DSCAM: variants seen among roughly 807,000 people sequenced by gnomAD.
DSCAM encodes cell adhesion molecule DSCAM.
Under a neutral mutation model 217.7 loss-of-function variants are expected in DSCAM, and 47 were observed. The observed-to-expected ratio is 0.22, with a 90% CI of 0.17 to 0.28. DSCAM has a LOEUF of 0.28. Among genes scored for constraint, DSCAM ranks in the 10% least tolerant of loss-of-function variants. The probability of loss-of-function intolerance (pLI) is 1.00; values close to 1 mark genes in which losing one functional copy is unlikely to be tolerated. For synonymous variants in DSCAM, 1,056 were observed against 1,015.3 expected (o/e 1.04, Z -0.76); for missense variants, 2,080 against 2,618.3 (o/e 0.79, Z 4.49).
intron 3 of DSCAM, among the ~76,000 whole-genome samples, chr21:40,488,355 G>A (rs1240335915): frequency 1.3e-5 from 2 of 150,636 alleles, no homozygotes; most frequent in Admixed American, 6.6e-5. Flanking sequence ...CCATATCGGG[G>A]ATCCAGGAAA....
chr21:40,281,788 T>C (rs997595423), intron 10 of DSCAM, among the ~76,000 whole-genome samples: 2 of 152,246 alleles, frequency 1.3e-5, no homozygotes. Context: ...CATCTGTATT[T>C]GTTCTTTAGT....
intron 21 of DSCAM, 82 bp downstream of exon 21, chr21:40,093,639 G>T: frequency 6.7e-7 from 1 of 1,497,904 alleles, no homozygotes. Flanking sequence ...TTAGGAAAGT[G>T]TAAGTTTTAT....
intron 1 of DSCAM, among the ~76,000 whole-genome samples, chr21:40,779,419 C>G (rs1164064277): frequency 6.6e-6 from 1 of 152,168 alleles, no homozygotes; most frequent in Non-Finnish European, 1.5e-5. Flanking sequence ...CCAAATTTAT[C>G]TGAAGGAAGT....
rs1005534565 is a variant in DSCAM at position 40,144,264 on chromosome 21, G to C, written c.3259+227C>G. On this transcript the variant is annotated intron_variant, in intron 17 of 32. Transcript: ENST00000400454. The surrounding 1 kb of genome is among the most constrained non-coding windows in gnomAD (Gnocchi z 4.8). ...ACCTGAAATGAATGAGGAAGAGTCT[G>C]AAAAGGGAGGGACTTGCTGGCTTTG... is the stretch of plus-strand genomic sequence containing the variant. Among the ~76,000 whole-genome samples, 1 of 152,220 alleles carries C rather than the reference G, an allele frequency of 6.6e-6. No individual in the cohort carries two copies. Among genetic ancestry groups the C allele is most frequent in the African/African-American group, 2.4e-5 (1 of 41,454 alleles).
intron 4 of DSCAM, among the ~76,000 whole-genome samples, chr21:40,362,183 T>C (rs1041597586): frequency 6.6e-6 from 1 of 152,168 alleles, no homozygotes; most frequent in Non-Finnish European, 1.5e-5. Context: ...TGTTGGACAT[T>C]TGGGTTGGTT....
chr21:40,297,877 T>C (rs1406575151), intron 9 of DSCAM, among the ~76,000 whole-genome samples: 1 of 152,212 alleles, frequency 6.6e-6, no homozygotes, highest in Non-Finnish European at 1.5e-5. Flanking sequence ...CTTTTCTATT[T>C]CCTGTTGGGC....
rs559671173 is a variant in DSCAM at position 40,661,871 on chromosome 21, A to C, written c.508+30939T>G. Among the ~76,000 whole-genome samples, 18 of 152,326 alleles carry C rather than the reference A, an allele frequency of 1.2e-4. No individual in the cohort carries two copies. In the East Asian group the frequency reaches 3.5e-3, roughly 29 times the overall value. On this transcript the variant is annotated intron_variant, in intron 3 of 32. Transcript: ENST00000400454. ...AACTGCACCTGTTTCTTTGAGCAAA[A>C]GTTCCCTGTTTGGCAAATAAGTGTA...
intron 1 of DSCAM, among the ~76,000 whole-genome samples, chr21:40,774,375 G>A (rs1262575791): frequency 6.6e-6 from 1 of 152,252 alleles, no homozygotes; most frequent in Non-Finnish European, 1.5e-5. Context: ...TGTACATGAA[G>A]GAGCAATGGA....
intron 19 of DSCAM, among the ~76,000 whole-genome samples, chr21:40,126,894 A>G (rs2090099709): frequency 6.6e-6 from 1 of 152,210 alleles, no homozygotes; most frequent in Non-Finnish European, 1.5e-5. Flanking sequence ...GCATTTTGGA[A>G]GGTTTTCTGG....
At chr21:40,609,476 G>C (rs1354043786) in intron 3 of DSCAM, among the ~76,000 whole-genome samples, 1 of 152,114 alleles carries the variant, frequency 6.6e-6, no homozygotes. Flanking sequence ...CCTTTGCCTG[G>C]CTTTCTGTGC....
At chr21:40,697,329 T>C (rs2090606750) in intron 2 of DSCAM, among the ~76,000 whole-genome samples, 1 of 152,246 alleles carries the variant, frequency 6.6e-6, no homozygotes, top group Admixed American at 6.5e-5. Flanking sequence ...TGCAGAGTTT[T>C]TCTGCTTGAT....
intron 21 of DSCAM, among the ~76,000 whole-genome samples, chr21:40,093,097 G>T (rs80213528): frequency 0.033 from 5,089 of 152,214 alleles, 294 homozygotes; most frequent in African/African-American, 0.12. Context: ...GACTTATTAT[G>T]AATGCTAATT....
intron 4 of DSCAM, among the ~76,000 whole-genome samples, chr21:40,357,407 G>A (rs1050452428): frequency 2.0e-5 from 3 of 152,126 alleles, no homozygotes; most frequent in Admixed American, 6.5e-5. Context: ...CATGTTACTG[G>A]AAGTATCATC....
At chr21:40,662,945 G>T (rs1248931341) in intron 3 of DSCAM, among the ~76,000 whole-genome samples, 1 of 152,138 alleles carries the variant, frequency 6.6e-6, no homozygotes, top group Non-Finnish European at 1.5e-5. Context: ...AATAAAAAGG[G>T]GAGAGTGCCT....
chr21:40,391,719 T>A (rs543081699), intron 3 of DSCAM, among the ~76,000 whole-genome samples: 4 of 152,336 alleles, frequency 2.6e-5, no homozygotes, highest in African/African-American at 9.6e-5. Flanking sequence ...CAATACATAC[T>A]TGCTCACTGC....
In DSCAM at chr21:40,079,052, C is replaced by T. The variant is rs1296065270; in HGVS notation, c.4421-75G>A. ...CATCAGCATCTTCACGCATTTCCCT[C>T]GGACTGCTTCCTCCAGCGAGGCCAG... On this transcript the variant is annotated intron_variant, in intron 25 of 32. Coordinates refer to ENST00000400454, the MANE Select transcript of DSCAM (RefSeq NM_001389.5). 2.9e-5 allele frequency: 44 copies of T among 1,520,018 alleles called. No homozygotes were observed. In the East Asian group the frequency reaches 4.9e-4, roughly 17 times the overall value. The allele number at this position is 1,520,018 out of a possible 1,614,324, so 94.2% of individuals were successfully genotyped here.
intron 3 of DSCAM, among the ~76,000 whole-genome samples, chr21:40,420,193 C>T (rs892663864): frequency 1.3e-4 from 20 of 151,386 alleles, no homozygotes; most frequent in Non-Finnish European, 2.2e-4. Flanking sequence ...AAAATAAGCC[C>T]GGTGAGAAAT....
chr21:40,209,709 A>C (rs1173225665), intron 11 of DSCAM, among the ~76,000 whole-genome samples: 1 of 152,100 alleles, frequency 6.6e-6, no homozygotes, highest in African/African-American at 2.4e-5. Flanking sequence ...TTCTTGGTCA[A>C]GGTTCATAGC....
chr21:40,386,470 C>A (rs940387848), intron 3 of DSCAM, among the ~76,000 whole-genome samples: 2 of 152,164 alleles, frequency 1.3e-5, no homozygotes, highest in African/African-American at 2.4e-5. Flanking sequence ...CCACGCCGGG[C>A]CGCTGCGGGA....
Sources: allele counts gnomAD v4.1 joint callset (sites outside exome capture counted in the v4.1 genomes callset), GRCh38; gene constraint gnomAD v4.1.1; non-coding constraint Gnocchi (gnomAD v3.1); transcripts MANE v1.5; gene names NCBI Gene and HGNC (gene_info 2026-07-23, HGNC 2026-07-21).